The following TGFB2 variants were observed in gnomAD, a reference collection of about 807,000 sequenced individuals.
TGFB2 encodes the protein transforming growth factor beta 2.
Under a neutral mutation model 42.7 loss-of-function variants are expected in TGFB2, and 13 were observed. That is an observed-to-expected ratio of 0.30 (90% CI 0.20 to 0.48). TGFB2 has a LOEUF of 0.48. Among genes scored for constraint, TGFB2 ranks in the 20% least tolerant of loss-of-function variants. The pLI is 0.99. For synonymous variants in TGFB2, 193 were observed against 193.6 expected (o/e 1.00, Z 0.03); for missense variants, 390 against 517.5 (o/e 0.75, Z 2.39).
Position 218,352,262 on chromosome 1 carries a change from G to A in TGFB2, c.346+5215G>A, listed in dbSNP as rs138271495. On this transcript the variant is annotated intron_variant, in intron 1 of 6. Transcript: ENST00000366930. The stretch of plus-strand genomic sequence containing the variant: ...TTTCCGGTACTGATGGGCTCCCGGA[G>A]AGAGGATTTGGATTTGCCAGATGTG... 2.6e-3 allele frequency among the ~76,000 whole-genome samples: 391 copies of A among 152,234 alleles called. 3 individuals are homozygous for A. Among genetic ancestry groups the A allele is most frequent in the African/African-American group, 9.1e-3 (377 of 41,536 alleles).
At position 218,437,398 on chromosome 1, in the gene TGFB2, C is replaced by T; in HGVS notation, c.988C>T (p.Leu330=). 1.2e-6 allele frequency: 2 copies of T among 1,610,160 alleles called. No homozygotes were observed. Among genetic ancestry groups the T allele is most frequent in the Non-Finnish European group, 1.7e-6 (2 of 1,179,166 alleles). Residue 330 remains leucine, a synonymous_variant, in exon 6 of 7, where the codon CTA becomes TTA. Transcript: ENST00000366930. ...RPLYIDFKRD[L]GWKWIHEPKG... ...ACTTTACATTGATTTCAAGAGGGAT[C>T]TAGGGTGGAAATGGATACACGAACC...
intron 2 of TGFB2, 190 bp downstream of exon 2, chr1:218,405,522 A>G (rs1420243431): frequency 1.0e-6 from 1 of 976,372 alleles, no homozygotes; most frequent in Non-Finnish European, 1.6e-6. Context: ...GCACCATCAC[A>G]CCCGATTATC....
chr1:218,406,579 A>C (rs913581656), intron 2 of TGFB2, among the ~76,000 whole-genome samples: 1 of 152,206 alleles, frequency 6.6e-6, no homozygotes, highest in African/African-American at 2.4e-5. Flanking sequence ...CTGATGCCAT[A>C]TGAATAGTGG....
intron 1 of TGFB2, among the ~76,000 whole-genome samples, chr1:218,393,855 C>A (rs1327131129): frequency 6.6e-6 from 1 of 152,000 alleles, no homozygotes; most frequent in Non-Finnish European, 1.5e-5. Flanking sequence ...GTGGGTGCAG[C>A]CATACTCTTC....
rs756426883 is a variant in TGFB2 at position 218,392,567 on chromosome 1, C to T, written c.347-12602C>T. 5.3e-5 allele frequency among the ~76,000 whole-genome samples: 8 copies of T among 152,328 alleles called. 1 individual carries two copies. The East Asian group carries it at 9.7e-4, about 18-fold the overall frequency. ...GGGCCACCTGTCTGGGTTCTAAGTT[C>T]TCTGTCACTGAAGGGTTCTGAGAGA... is the stretch of plus-strand genomic sequence containing the variant. On this transcript the variant is annotated intron_variant, in intron 1 of 6. Transcript: ENST00000366930.
intron 1 of TGFB2, among the ~76,000 whole-genome samples, chr1:218,395,402 A>G (rs138997830): frequency 7.4e-4 from 112 of 152,086 alleles, no homozygotes; most frequent in Middle Eastern, 3.4e-3. Context: ...CTGCCTTGTT[A>G]TTTTATTTGT....
chr1:218,359,540 G>A (rs1657146336), intron 1 of TGFB2, among the ~76,000 whole-genome samples: 1 of 152,188 alleles, frequency 6.6e-6, no homozygotes, highest in Non-Finnish European at 1.5e-5. Context: ...ATGAAACTAT[G>A]TGTGTAAAGT....
At chr1:218,379,126 C>CCT (rs1553296441) in intron 1 of TGFB2, among the ~76,000 whole-genome samples, 28 of 143,788 alleles carry the variant, frequency 1.9e-4, no homozygotes, top group African/African-American at 7.0e-4. Context: ...TTCTTTCTTT[C>CCT]TTTCTTTTTT....
At chr1:218,349,976 T>C (rs1656817488) in intron 1 of TGFB2, among the ~76,000 whole-genome samples, 1 of 152,230 alleles carries the variant, frequency 6.6e-6, no homozygotes, top group Non-Finnish European at 1.5e-5. Context: ...GCTGTTAGTT[T>C]AAGACTCGAA....
At chr1:218,361,798 G>T (rs918411502) in intron 1 of TGFB2, among the ~76,000 whole-genome samples, 1 of 152,188 alleles carries the variant, frequency 6.6e-6, no homozygotes, top group Non-Finnish European at 1.5e-5. Context: ...GGTTATTTGA[G>T]GGAATTTTCT....
chr1:218,440,268 T>C (rs1242846763), intron 6 of TGFB2, among the ~76,000 whole-genome samples: 1 of 152,218 alleles, frequency 6.6e-6, no homozygotes, highest in Non-Finnish European at 1.5e-5. Context: ...TAATTATTTC[T>C]TATAGGAGAT....
chr1:218,379,293 T>C (rs941602492), intron 1 of TGFB2, among the ~76,000 whole-genome samples: 4 of 151,548 alleles, frequency 2.6e-5, no homozygotes, highest in East Asian at 1.9e-4. Flanking sequence ...CCACCACACC[T>C]GGCTAATTTT....
At chr1:218,391,398 A>G (rs1221777033) in intron 1 of TGFB2, among the ~76,000 whole-genome samples, 1 of 152,200 alleles carries the variant, frequency 6.6e-6, no homozygotes, top group Non-Finnish European at 1.5e-5. Flanking sequence ...AGTGCCTAGT[A>G]CAGAAGAAGC....
At chr1:218,394,126 G>C (rs1658413538) in intron 1 of TGFB2, among the ~76,000 whole-genome samples, 1 of 152,106 alleles carries the variant, frequency 6.6e-6, no homozygotes, top group African/African-American at 2.4e-5. Flanking sequence ...AGCCAGGATG[G>C]TCTCGATCTC....
Position 218,434,109 on chromosome 1 carries a change from C to T in TGFB2, c.538C>T (p.Pro180Ser). The change falls in exon 3 of 7, where the codon CCA (proline) becomes TCA (serine). Residue 180 changes from proline to serine, a missense_variant. Physicochemically the swap from Pro to Ser is moderately conservative, Grantham distance 74 (BLOSUM62 -1). Transcript: ENST00000366930. ...QILKSKDLTS[P>S]TQRYIDSKVV... ...TCTCAAGTCCAAAGATTTAACATCTCCAACCCAGCGCTACATCGACAGCAA... is the reference window on the plus strand; with the variant it reads ...TCTCAAGTCCAAAGATTTAACATCTTCAACCCAGCGCTACATCGACAGCAA... 1.2e-6 allele frequency: 2 copies of T among 1,614,154 alleles called. No individual in the cohort carries two copies. Among genetic ancestry groups the T allele is most frequent in the Non-Finnish European group, 1.7e-6 (2 of 1,180,008 alleles).
intron 2 of TGFB2, among the ~76,000 whole-genome samples, chr1:218,427,614 TG>T (rs917150416): frequency 1.5e-4 from 23 of 152,164 alleles, no homozygotes; most frequent in African/African-American, 5.6e-4. Flanking sequence ...GATAGTTTGC[TG>T]AGAATGATGG....
At chr1:218,354,045 A>C (rs11466371) in intron 1 of TGFB2, among the ~76,000 whole-genome samples, 4,059 of 152,034 alleles carry the variant, frequency 0.027, 193 homozygotes, top group African/African-American at 0.093. Flanking sequence ...TTTTCTTTTG[A>C]TCTTAGTAAG....
At chr1:218,375,343 A>G (rs1657704951) in intron 1 of TGFB2, among the ~76,000 whole-genome samples, 1 of 152,108 alleles carries the variant, frequency 6.6e-6, no homozygotes, top group African/African-American at 2.4e-5. Context: ...TAGGATTTGC[A>G]TACAGGGGAC....
chr1:218,427,117 A>G (rs1659649354), intron 2 of TGFB2, among the ~76,000 whole-genome samples: 1 of 152,180 alleles, frequency 6.6e-6, no homozygotes. Context: ...TAAAATATAC[A>G]TAATATAAAC....
Sources: allele counts gnomAD v4.1 joint callset (sites outside exome capture counted in the v4.1 genomes callset), GRCh38; gene constraint gnomAD v4.1.1; transcripts MANE v1.5; gene names NCBI Gene and HGNC (gene_info 2026-07-23, HGNC 2026-07-21).